Variants in ATP13A3 observed in about 807,000 individuals in gnomAD.
ATP13A3 encodes the protein ATPase 13A3, also known as polyamine-transporting ATPase 13A3.
A neutral mutation model predicts 158.1 loss-of-function variants in ATP13A3; 59 were observed. The ratio of observed to expected loss-of-function variants is 0.37; its 90% CI spans 0.30 to 0.46. The LOEUF is 0.46. ATP13A3 is among the 20% of genes least tolerant of loss of function. ATP13A3 has a pLI of 1.00. For missense variants in ATP13A3, 1,166 were observed against 1,525.2 expected (o/e 0.76, Z 3.92); for synonymous variants, 491 against 504.3 (o/e 0.97, Z 0.35).
chr3:194,438,804 A>G, intron 17 of ATP13A3, 52 bp downstream of exon 17: 1 of 1,228,240 alleles, frequency 8.1e-7, no homozygotes, highest in African/African-American at 1.6e-5. Context: ...AAAATTAAAA[A>G]TAAATATAAG....
chr3:194,482,843 C>G (rs1720805979), intron 2 of ATP13A3, among the ~76,000 whole-genome samples: 2 of 152,042 alleles, frequency 1.3e-5, no homozygotes, highest in Non-Finnish European at 2.9e-5. Flanking sequence ...CGTGGTGGCT[C>G]ACGCCTGTAA....
At chr3:194,441,552 A>T in intron 15 of ATP13A3, 91 bp from the exon 16 acceptor site, 1 of 1,189,064 alleles carries the variant, frequency 8.4e-7, no homozygotes, top group South Asian at 1.6e-5. Flanking sequence ...AATTAAAAAA[A>T]AAATCTTTTA....
intron 31 of ATP13A3, among the ~76,000 whole-genome samples, chr3:194,419,497 C>G (rs1296655334): frequency 6.6e-6 from 1 of 151,988 alleles, no homozygotes; most frequent in African/African-American, 2.4e-5. Context: ...ACAAGTATTT[C>G]ATTACTCAGA....
At chr3:194,434,455 G>A (rs1717472089) in intron 20 of ATP13A3, among the ~76,000 whole-genome samples, 1 of 152,212 alleles carries the variant, frequency 6.6e-6, no homozygotes, top group Non-Finnish European at 1.5e-5. Flanking sequence ...CAAGAATGCA[G>A]CAGGCACTAT....
At chr3:194,428,770 A>C (rs1488730570) in intron 28 of ATP13A3, 75 bp downstream of exon 28, 7 of 1,072,736 alleles carry the variant, frequency 6.5e-6, no homozygotes, top group Non-Finnish European at 9.7e-6. Flanking sequence ...TTGTTGATGT[A>C]AATTTACAAA....
intron 16 of ATP13A3, among the ~76,000 whole-genome samples, chr3:194,440,196 C>G (rs537178538): frequency 2.0e-4 from 30 of 152,198 alleles, no homozygotes; most frequent in African/African-American, 6.0e-4. Context: ...TGGATACAAA[C>G]GGGAACGAAA....
At chr3:194,452,522 C>CATAATTTATTAAAATAAATTAATAAA (rs1718883409) in intron 10 of ATP13A3, 1 of 152,096 alleles carries the variant, frequency 6.6e-6, no homozygotes. Context: ...TAATAATAGC[C>CATAATTTATTAAAATAAATTAATAAA]TTCAATGGCT....
Position 194,403,396 on chromosome 3 carries a change from A to G in ATP13A3, c.*2523T>C, listed in dbSNP as rs1714740366. On this transcript the variant is annotated 3_prime_UTR_variant, in exon 34 of 34. Transcript: ENST00000645319. ...AGCAGTTGGTGCTAGAAGATACAAA[A>G]CATATAGTTACCACTATTTATACTT... is the stretch of plus-strand genomic sequence containing the variant. 6.6e-6 allele frequency: 1 copy of G among 152,254 alleles called. No individual in the cohort carries two copies. Among genetic ancestry groups the G allele is most frequent in the Non-Finnish European group, 1.5e-5 (1 of 68,048 alleles). The allele number at this position is 152,254 out of a possible 1,614,324, so 9.4% of individuals were successfully genotyped here. A position where few individuals can be genotyped will look rare whatever the true frequency, so the allele number is the denominator to read the frequency against.
At chr3:194,460,616 T>C in intron 4 of ATP13A3, 42 bp downstream of exon 4, 1 of 1,588,454 alleles carries the variant, frequency 6.3e-7, no homozygotes, top group Non-Finnish European at 8.6e-7. Flanking sequence ...GACATTGTTT[T>C]ACTCCTTAAA....
chr3:194,449,044 TACACACACACACACACACACACACACAC>T (rs146993933), intron 11 of ATP13A3, among the ~76,000 whole-genome samples: 3 of 134,892 alleles, frequency 2.2e-5, no homozygotes, highest in Admixed American at 7.5e-5. Flanking sequence ...GATCCACCCC[TACACACACACACACACACACACACACAC>T]ACACACACAC....
rs138440337 is a variant in ATP13A3, at chr3:194,469,466, G to T, written c.-46-7230C>A. ...CAGAGTGAGACTCTGTCTCAAAAAAGAAAAAAAAACTCACAAAAATAAATA... is the reference window on the plus strand; with the variant it reads ...CAGAGTGAGACTCTGTCTCAAAAAATAAAAAAAAACTCACAAAAATAAATA... On this transcript the variant is annotated intron_variant, in intron 2 of 33. Coordinates refer to ENST00000645319, the MANE Select transcript of ATP13A3 (RefSeq NM_001367549.1). 5.3e-3 allele frequency among the ~76,000 whole-genome samples: 793 copies of T among 150,032 alleles called. 4 individuals carry two copies. Among genetic ancestry groups the T allele is most frequent in the African/African-American group, 0.016 (675 of 40,928 alleles).
chr3:194,426,670 A>G (rs1716797160), intron 29 of ATP13A3, among the ~76,000 whole-genome samples: 1 of 152,170 alleles, frequency 6.6e-6, no homozygotes, highest in Non-Finnish European at 1.5e-5. Flanking sequence ...AATACAAGCC[A>G]AATTATGTAA....
At chr3:194,450,124 A>G (rs752975727) in intron 11 of ATP13A3, 21 bp downstream of exon 11, 2 of 1,610,882 alleles carry the variant, frequency 1.2e-6, no homozygotes, top group South Asian at 1.1e-5. Context: ...ACTCATGTTG[A>G]TATTTACTCA....
At position 194,460,769 on chromosome 3, in the gene ATP13A3, G is replaced by A; in HGVS notation, c.114C>T (p.Cys38=). Residue 38 remains cysteine, a synonymous_variant, in exon 4 of 34, where the codon TGC becomes TGT. Transcript: ENST00000645319. ...KLAIVSLGVI[C]SGGFLLLLLY... ...GGAGGAGGAGGAGAAACCCACCAGA[G>A]CAAATCACTCCTAAAGAAACTATGG... 1 of 1,614,114 alleles carries A rather than the reference G, an allele frequency of 6.2e-7. No individual in the cohort carries two copies.
chr3:194,474,735 C>A (rs574722647), intron 2 of ATP13A3, among the ~76,000 whole-genome samples: 6 of 152,154 alleles, frequency 3.9e-5, no homozygotes, highest in Admixed American at 1.3e-4. Context: ...AAGATGGTCT[C>A]TGAAATTTAA....
At chr3:194,473,807 G>T (rs548915878) in intron 2 of ATP13A3, among the ~76,000 whole-genome samples, 1 of 152,238 alleles carries the variant, frequency 6.6e-6, no homozygotes, top group East Asian at 1.9e-4. Flanking sequence ...AAGAATAGAT[G>T]AATAATTTAT....
chr3:194,471,672 ACTAATTCAT>A (rs1720313362), intron 2 of ATP13A3, among the ~76,000 whole-genome samples: 1 of 152,196 alleles, frequency 6.6e-6, no homozygotes, highest in African/African-American at 2.4e-5. Flanking sequence ...TTTTTATCAA[ACTAATTCAT>A]CTAAGTATTA....
At chr3:194,432,483 C>T (rs555954487) in intron 21 of ATP13A3, among the ~76,000 whole-genome samples, 1 of 152,242 alleles carries the variant, frequency 6.6e-6, no homozygotes, top group South Asian at 2.1e-4. Flanking sequence ...AACAGAAGAG[C>T]GAGATATTTC....
In ATP13A3 at chr3:194,421,944, C is replaced by CAAAAAAAAAAAAAAAAAAAA. The variant is rs397972334; in HGVS notation, c.3314-1978_3314-1977insTTTTTTTTTTTTTTTTTTTT. Among the ~76,000 whole-genome samples the CAAAAAAAAAAAAAAAAAAAA allele has an allele frequency of 2.3e-3, 228 of 97,402 alleles. 19 individuals are homozygous for CAAAAAAAAAAAAAAAAAAAA. Among genetic ancestry groups the CAAAAAAAAAAAAAAAAAAAA allele is most frequent in the African/African-American group, 9.6e-3 (221 of 23,064 alleles). 63.9% of individuals were successfully genotyped at this position (97,402 alleles called of 152,430 possible). Reference sequence around the variant, plus strand: ...TGGTTCTTGACATGTGTGTCGTTGGCAAAAAAAAAAAAAAAAAATTTACTC... The same window carrying CAAAAAAAAAAAAAAAAAAAA: ...TGGTTCTTGACATGTGTGTCGTTGGCAAAAAAAAAAAAAAAAAAAAAAAAAAAAAAAAAAAAAATTTACTC... On this transcript the variant is annotated intron_variant, in intron 30 of 33. Coordinates refer to ENST00000645319, the MANE Select transcript of ATP13A3 (RefSeq NM_001367549.1).
Sources: gnomAD v4.1 joint callset for allele counts (sites outside exome capture counted in the v4.1 genomes callset) on GRCh38, gnomAD v4.1.1 for gene constraint, MANE v1.5 for transcripts, NCBI Gene and HGNC (gene_info 2026-07-23, HGNC 2026-07-21) for gene names.